The following SNCAIP variants were observed in gnomAD, a reference collection of about 807,000 sequenced individuals.
SNCAIP encodes synuclein alpha interacting protein.
A neutral mutation model predicts 86.7 loss-of-function variants in SNCAIP; 43 were observed. That is an observed-to-expected ratio of 0.50 (90% CI 0.39 to 0.64). SNCAIP has a LOEUF of 0.64. Among genes scored for constraint, SNCAIP ranks in the 30% least tolerant of loss-of-function variants. The pLI is 0.00. For synonymous variants in SNCAIP, 417 were observed against 427.2 expected, an observed-to-expected ratio of 0.98 and a Z score of 0.29; for missense variants, 981 against 1,103.1, an observed-to-expected ratio of 0.89 and a Z score of 1.57.
chr5:122,332,800 G>A (rs150842116), intron 1 of SNCAIP, among the ~76,000 whole-genome samples: 282 of 152,314 alleles, frequency 1.9e-3, no homozygotes, highest in African/African-American at 5.4e-3. Flanking sequence ...GTGCTTAAGG[G>A]CTTTGCTGTG....
chr5:122,320,629 A>G (rs1372128097), intron 1 of SNCAIP, among the ~76,000 whole-genome samples: 2 of 152,170 alleles, frequency 1.3e-5, no homozygotes, highest in African/African-American at 4.8e-5. Context: ...TTCCCCCAGG[A>G]TGTTTAGAGT....
At chr5:122,400,873 G>C in intron 2 of SNCAIP, 1 of 1,104,160 alleles carries the variant, frequency 9.1e-7, no homozygotes, top group East Asian at 2.9e-5. Context: ...AAAAGTCTAT[G>C]TTCACTGGGA....
chr5:122,448,964 C>A (rs541254033), intron 8 of SNCAIP, among the ~76,000 whole-genome samples: 2 of 150,368 alleles, frequency 1.3e-5, no homozygotes, highest in Non-Finnish European at 3.0e-5. Flanking sequence ...TCCAGTGAGC[C>A]GAGATAGCAC....
Position 122,376,989 on chromosome 5 carries a change from G to A in SNCAIP, c.-46-14100G>A, listed in dbSNP as rs1580802221. Among the ~76,000 whole-genome samples the A allele has an allele frequency of 2.0e-5, 3 of 152,250 alleles. No individual in the cohort carries two copies. The East Asian group carries it at 5.8e-4, about 29-fold the overall frequency. ...ACTTCTATTTGAACAATTTCTTGCT[G>A]AGGTGGGTGTGATTTCACAAAGCAG... On this transcript the variant is annotated intron_variant, in intron 1 of 10. Coordinates refer to ENST00000261368, the MANE Select transcript of SNCAIP (RefSeq NM_005460.4).
chr5:122,424,869 G>A (rs767176657), intron 4 of SNCAIP, among the ~76,000 whole-genome samples: 2 of 152,176 alleles, frequency 1.3e-5, no homozygotes, highest in Non-Finnish European at 2.9e-5. Flanking sequence ...GTGTCTAGAG[G>A]TACCTATGAG....
intron 8 of SNCAIP, among the ~76,000 whole-genome samples, chr5:122,448,079 G>A (rs950018463): frequency 2.0e-4 from 30 of 152,262 alleles, no homozygotes; most frequent in African/African-American, 6.5e-4. Flanking sequence ...AGCAGGATCC[G>A]ATCTCACATA....
rs79066361 is a variant in SNCAIP, at chr5:122,340,860, G to A, written c.-47+28576G>A. Among the ~76,000 whole-genome samples the A allele has an allele frequency of 8.3e-3, 1,267 of 152,246 alleles. 12 individuals are homozygous for A. The highest frequency in any genetic ancestry group is 0.028 in the African/African-American group (1,175 of 41,554). On this transcript the variant is annotated intron_variant, in intron 1 of 10. Transcript: ENST00000261368. ...TAGATAAATTTATTAGGCACTTGCC[G>A]ATGGTCAGTAATACCTGTTTATTAA...
At chr5:122,445,759 AACCTT>A (rs1356551146) in intron 8 of SNCAIP, among the ~76,000 whole-genome samples, 1 of 148,666 alleles carries the variant, frequency 6.7e-6, no homozygotes, top group African/African-American at 2.5e-5. Flanking sequence ...TTTTTCACCC[AACCTT>A]GGTTGGGTGA....
At chr5:122,339,955 A>C (rs1285567866) in intron 1 of SNCAIP, among the ~76,000 whole-genome samples, 1 of 152,204 alleles carries the variant, frequency 6.6e-6, no homozygotes, top group Non-Finnish European at 1.5e-5. Context: ...AATTATATTA[A>C]TTTCAGGCTC....
intron 1 of SNCAIP, among the ~76,000 whole-genome samples, chr5:122,364,451 G>A (rs1280951932): frequency 6.6e-6 from 1 of 152,170 alleles, no homozygotes; most frequent in Admixed American, 6.5e-5. Context: ...TTGCAGGTGT[G>A]AGCCACTGTG....
chr5:122,379,587 G>C (rs1211037361), intron 1 of SNCAIP, among the ~76,000 whole-genome samples: 57 of 150,108 alleles, frequency 3.8e-4, no homozygotes, highest in Non-Finnish European at 7.7e-4. Context: ...TTGAATAGGA[G>C]TGGTGAGAGA....
intron 2 of SNCAIP, among the ~76,000 whole-genome samples, chr5:122,394,222 A>G (rs17149128): frequency 0.13 from 19,660 of 152,086 alleles, 1,350 homozygotes; most frequent in South Asian, 0.24. Flanking sequence ...CCCAGTTTCA[A>G]ACTCTTCTCC....
intron 1 of SNCAIP, among the ~76,000 whole-genome samples, chr5:122,386,693 TTCTAA>T (rs954526921): frequency 1.2e-4 from 18 of 152,292 alleles, no homozygotes; most frequent in African/African-American, 3.9e-4. Context: ...TGTCCCCACA[TTCTAA>T]TCTGTTTCTT....
At chr5:122,395,492 A>T (rs1004916709) in intron 2 of SNCAIP, among the ~76,000 whole-genome samples, 8 of 152,160 alleles carry the variant, frequency 5.3e-5, no homozygotes, top group Non-Finnish European at 1.2e-4. Flanking sequence ...CTCTTTGGTC[A>T]AAGCCTTTGC....
chr5:122,425,322 T>C lies in SNCAIP; in HGVS notation c.1003-30T>C, dbSNP rs41298300. On this transcript the variant is annotated intron_variant, in intron 4 of 10. Transcript: ENST00000261368. ...CAGGGTCTTGCTCTGATTTATTGAC[T>C]TGGGTTTTCTAATCTTACTATTTAT... The C allele has an allele frequency of 2.5e-6, 4 of 1,580,418 alleles. No homozygotes were observed. In the South Asian group the frequency reaches 4.4e-5, roughly 18 times the overall value.
At chr5:122,382,394 C>G (rs555295182) in intron 1 of SNCAIP, among the ~76,000 whole-genome samples, 2 of 152,324 alleles carry the variant, frequency 1.3e-5, no homozygotes, top group African/African-American at 4.8e-5. Flanking sequence ...TCAGCTCCAT[C>G]AGCTCCTTTA....
chr5:122,385,173 T>C (rs924785834), intron 1 of SNCAIP, among the ~76,000 whole-genome samples: 3 of 152,216 alleles, frequency 2.0e-5, no homozygotes, highest in African/African-American at 7.2e-5. Flanking sequence ...TCACATGATA[T>C]TGTAATAGCA....
intron 3 of SNCAIP, among the ~76,000 whole-genome samples, chr5:122,413,973 A>G (rs751650633): frequency 1.3e-5 from 2 of 152,158 alleles, no homozygotes; most frequent in African/African-American, 4.8e-5. Flanking sequence ...GAATTGGTAC[A>G]ATCATAGCTC....
At chr5:122,374,830 G>A (rs915829944) in intron 1 of SNCAIP, among the ~76,000 whole-genome samples, 2 of 152,102 alleles carry the variant, frequency 1.3e-5, no homozygotes, top group African/African-American at 4.8e-5. Flanking sequence ...TGAAACTGAA[G>A]ATAATACTTC....
Sources: gnomAD v4.1 joint callset for allele counts (sites outside exome capture counted in the v4.1 genomes callset) on GRCh38, gnomAD v4.1.1 for gene constraint, MANE v1.5 for transcripts, NCBI Gene and HGNC (gene_info 2026-07-23, HGNC 2026-07-21) for gene names.